Variants in SMYD3 observed in about 807,000 individuals in gnomAD.
The protein encoded by SMYD3 is SET and MYND domain containing 3, also known as histone-lysine N-methyltransferase SMYD3.
In SMYD3, 36 loss-of-function variants were observed where a neutral mutation model predicts 57.7. That is an observed-to-expected ratio of 0.62 (90% confidence interval 0.48 to 0.82). The LOEUF is 0.82. Ranked by LOEUF, SMYD3 falls within the 40% of genes least tolerant of loss-of-function variation. SMYD3 has a pLI of 0.00. For synonymous variants in SMYD3, 211 were observed against 195.0 expected, an observed-to-expected ratio of 1.08 and a Z score of -0.68; for missense variants, 515 against 538.8, an observed-to-expected ratio of 0.96 and a Z score of 0.44.
At chr1:246,056,203 A>AG (rs2060148378) in intron 5 of SMYD3, among the ~76,000 whole-genome samples, 2 of 152,216 alleles carry the variant, frequency 1.3e-5, no homozygotes, top group African/African-American at 4.8e-5. Context: ...AAAGTTGATG[A>AG]GGGGAAAAAA....
intron 5 of SMYD3, among the ~76,000 whole-genome samples, chr1:245,997,853 T>C (rs1235740471): frequency 6.6e-5 from 10 of 152,206 alleles, no homozygotes; most frequent in Admixed American, 6.5e-4. Context: ...CAGCCATTGC[T>C]AAGTGTGTCT....
At chr1:246,325,078 G>A (rs189564010) in intron 5 of SMYD3, among the ~76,000 whole-genome samples, 45 of 1,750 alleles carry the variant, frequency 0.026, 5 homozygotes, top group Non-Finnish European at 0.05. Context: ...TCGCGGGGGC[G>A]GGAAGGAGGG....
intron 4 of SMYD3, among the ~76,000 whole-genome samples, chr1:246,329,890 T>C (rs1369813123): frequency 1.3e-5 from 2 of 152,200 alleles, no homozygotes; most frequent in Non-Finnish European, 2.9e-5. Flanking sequence ...TGAAATCACT[T>C]ACAACCTTAA....
intron 10 of SMYD3, among the ~76,000 whole-genome samples, chr1:245,771,132 A>G: frequency 6.6e-6 from 1 of 150,906 alleles, no homozygotes; most frequent in Non-Finnish European, 1.5e-5. Flanking sequence ...ATATATATAC[A>G]TGTATATATA....
At chr1:245,851,727 C>A (rs1318687313) in intron 10 of SMYD3, among the ~76,000 whole-genome samples, 1 of 152,168 alleles carries the variant, frequency 6.6e-6, no homozygotes, top group Non-Finnish European at 1.5e-5. Flanking sequence ...TGGACTATAT[C>A]TAGCACTCTT....
At position 246,260,335 on chromosome 1, in the gene SMYD3, C is replaced by T. The variant is rs1354497215; in HGVS notation, c.531+66866G>A. ...CCTACACCAGGATCTTTTTTATCCACCAGACACTGTCGCAGAGGTTGTTTG... is the reference window on the plus strand; with the variant it reads ...CCTACACCAGGATCTTTTTTATCCATCAGACACTGTCGCAGAGGTTGTTTG... On this transcript the variant is annotated intron_variant, in intron 5 of 11. Coordinates refer to ENST00000490107, the MANE Select transcript of SMYD3 (RefSeq NM_001167740.2). Among the ~76,000 whole-genome samples, 4 of 152,328 alleles carry T rather than the reference C, an allele frequency of 2.6e-5. No homozygotes were observed. The South Asian group carries it at 6.2e-4, about 24-fold the overall frequency.
intron 5 of SMYD3, among the ~76,000 whole-genome samples, chr1:246,166,296 G>C (rs1437518242): frequency 2.0e-5 from 3 of 151,852 alleles, no homozygotes; most frequent in African/African-American, 7.3e-5. Context: ...CAGTCCTAAA[G>C]AAAAAAAGGT....
chr1:246,485,374 A>C (rs935900675), intron 1 of SMYD3, among the ~76,000 whole-genome samples: 2 of 152,244 alleles, frequency 1.3e-5, no homozygotes, highest in African/African-American at 4.8e-5. Context: ...CTGTCTGTAC[A>C]TTTTTCCAAT....
At chr1:246,047,506 A>G (rs558441525) in intron 5 of SMYD3, among the ~76,000 whole-genome samples, 6 of 152,346 alleles carry the variant, frequency 3.9e-5, no homozygotes, top group African/African-American at 1.4e-4. Context: ...AGCATACACA[A>G]AAGAATTTCT....
intron 5 of SMYD3, among the ~76,000 whole-genome samples, chr1:245,941,468 C>CT (rs1342585127): frequency 6.6e-6 from 1 of 152,150 alleles, no homozygotes; most frequent in Non-Finnish European, 1.5e-5. Flanking sequence ...CAGCAGATCT[C>CT]TCAGTGGAAA....
intron 10 of SMYD3, among the ~76,000 whole-genome samples, chr1:245,838,223 C>T (rs1253350270): frequency 6.6e-6 from 1 of 152,168 alleles, no homozygotes; most frequent in Non-Finnish European, 1.5e-5. Flanking sequence ...GGGCTCTCCT[C>T]GCTTGGTTCA....
chr1:245,860,441 A>G (rs567935248), intron 9 of SMYD3, among the ~76,000 whole-genome samples: 7 of 152,282 alleles, frequency 4.6e-5, no homozygotes, highest in Admixed American at 2.0e-4. Context: ...GGAGACAAAT[A>G]CCTTTATGAA....
chr1:245,994,600 G>A lies in SMYD3; in HGVS notation c.532-64663C>T, dbSNP rs138121081. Reference sequence around the variant, plus strand: ...TCTGGTCATCTCCCACATTTAGGAGGAAAGTTCTACTTCCATGAGGCCTTT... The same window carrying A: ...TCTGGTCATCTCCCACATTTAGGAGAAAAGTTCTACTTCCATGAGGCCTTT... On this transcript the variant is annotated intron_variant, in intron 5 of 11. Transcript: ENST00000490107. Among the ~76,000 whole-genome samples, 23 of 152,276 alleles carry A rather than the reference G, an allele frequency of 1.5e-4. No individual in the cohort carries two copies. The East Asian group carries it at 4.4e-3, about 29-fold the overall frequency.
intron 1 of SMYD3, among the ~76,000 whole-genome samples, chr1:246,495,505 G>A (rs929436051): frequency 6.6e-6 from 1 of 152,228 alleles, no homozygotes; most frequent in South Asian, 2.1e-4. Context: ...CGAGTTACAA[G>A]GGAATTTCTC....
At chr1:245,926,042 G>A (rs1040033562) in intron 7 of SMYD3, among the ~76,000 whole-genome samples, 1 of 152,158 alleles carries the variant, frequency 6.6e-6, no homozygotes, top group Admixed American at 6.6e-5. Flanking sequence ...TCTGGGGAGG[G>A]CCTTCTTGCT....
chr1:246,146,185 C>T (rs1371241593), intron 5 of SMYD3, among the ~76,000 whole-genome samples: 1 of 152,130 alleles, frequency 6.6e-6, no homozygotes, highest in Non-Finnish European at 1.5e-5. Flanking sequence ...GAAAATACAC[C>T]AGCCTAAAGG....
intron 5 of SMYD3, among the ~76,000 whole-genome samples, chr1:245,964,238 C>T (rs369875638): frequency 7.2e-5 from 11 of 152,284 alleles, no homozygotes; most frequent in African/African-American, 2.2e-4. Context: ...GAAGGCACCA[C>T]GCCATGCATG....
At chr1:246,352,648 C>T (rs1446497003) in intron 2 of SMYD3, among the ~76,000 whole-genome samples, 1 of 152,148 alleles carries the variant, frequency 6.6e-6, no homozygotes, top group Non-Finnish European at 1.5e-5. Flanking sequence ...CTGACAGTGA[C>T]ATTGTTATTG....
chr1:246,445,342 A>C (rs1254820889), intron 1 of SMYD3, among the ~76,000 whole-genome samples: 1 of 152,224 alleles, frequency 6.6e-6, no homozygotes, highest in Non-Finnish European at 1.5e-5. Context: ...GAAGGTTTTT[A>C]GGAACACCAA....
Sources: gnomAD v4.1 joint callset for allele counts (sites outside exome capture counted in the v4.1 genomes callset) on GRCh38, gnomAD v4.1.1 for gene constraint, MANE v1.5 for transcripts, NCBI Gene and HGNC (gene_info 2026-07-23, HGNC 2026-07-21) for gene names.